Variants in ADGRE3 observed in about 807,000 individuals in gnomAD.
The protein encoded by ADGRE3 is adhesion G protein-coupled receptor E3.
ADGRE3 carries 88 observed loss-of-function variants against 80.1 expected under a neutral mutation model. The observed-to-expected ratio is 1.10, with a 90% CI of 0.93 to 1.31. The LOEUF (loss-of-function observed/expected upper bound fraction) is 1.31, where lower values mean the gene tolerates loss of function less well. ADGRE3 is among the 40% of genes most tolerant of loss of function. The probability of loss-of-function intolerance (pLI) is 0.00; values close to 1 mark genes in which losing one functional copy is unlikely to be tolerated. For missense variants in ADGRE3, 715 were observed against 776.5 expected (o/e 0.92, Z 0.94); for synonymous variants, 281 against 294.8 (o/e 0.95, Z 0.48).
At position 14,630,221 on chromosome 19, in the gene ADGRE3, G is replaced by A. The variant is rs758525100; in HGVS notation, c.1644-14C>T. On this transcript the variant is annotated splice_polypyrimidine_tract_variant and intron_variant, in intron 13 of 15. Coordinates refer to ENST00000253673, the MANE Select transcript of ADGRE3 (RefSeq NM_032571.5). ...AAAGCCAGCATCCTGGGAGGAGGAA[G>A]TCAGAGATTAGGATGTCAAAAAACT... is the stretch of plus-strand genomic sequence containing the variant. 1.9e-6 allele frequency: 3 copies of A among 1,592,050 alleles called. No individual in the cohort carries two copies. Among genetic ancestry groups the A allele is most frequent in the Non-Finnish European group, 2.6e-6 (3 of 1,167,884 alleles).
At chr19:14,648,629 A>G (rs145643180) in intron 7 of ADGRE3, among the ~76,000 whole-genome samples, 1 of 152,302 alleles carries the variant, frequency 6.6e-6, no homozygotes, top group Non-Finnish European at 1.5e-5. Flanking sequence ...GTTGCCATGA[A>G]GGTGTTTTAA....
the ADGRE3 span, among the ~76,000 whole-genome samples, chr19:14,612,890 A>T: frequency 6.6e-6 from 1 of 151,786 alleles, no homozygotes; most frequent in Non-Finnish European, 1.5e-5. Context: ...CCTGAATTGC[A>T]TCCAAGGGTG....
intron 2 of ADGRE3, among the ~76,000 whole-genome samples, chr19:14,667,932 T>G (rs531347586): frequency 6.6e-6 from 1 of 152,160 alleles, no homozygotes; most frequent in South Asian, 2.1e-4. Context: ...GTTTTCATCT[T>G]GTAAAACTGA....
intron 14 of ADGRE3, chr19:14,628,787 GT>G: frequency 3.8e-6 from 1 of 260,596 alleles, no homozygotes; most frequent in South Asian, 4.3e-5. Context: ...ATGTGACCTA[GT>G]TTGGGACAGT....
At chr19:14,665,055 ATTTTTTTTTTTTT>A (rs916325882) in intron 2 of ADGRE3, among the ~76,000 whole-genome samples, 1 of 89,808 alleles carries the variant, frequency 1.1e-5, no homozygotes, top group Non-Finnish European at 2.2e-5. Context: ...GAGCAACCTC[ATTTTTTTTTTTTT>A]TTTTTTTTTT....
chr19:14,633,731 AAT>A (rs1342653382), intron 11 of ADGRE3, among the ~76,000 whole-genome samples: 10 of 150,006 alleles, frequency 6.7e-5, no homozygotes, highest in African/African-American at 2.4e-4. Flanking sequence ...AATAAAATAA[AAT>A]AAAATAAAAT....
chr19:14,610,537 T>A, the ADGRE3 span: 1 of 228,218 alleles, frequency 4.4e-6, no homozygotes, highest in Admixed American at 5.2e-5. Flanking sequence ...GTGTTGAACC[T>A]GGGATGAAAT....
intron 9 of ADGRE3, among the ~76,000 whole-genome samples, chr19:14,643,144 G>GTTTTTT (rs373306807): frequency 3.2e-5 from 4 of 124,082 alleles, no homozygotes; most frequent in African/African-American, 1.2e-4. Context: ...AGTAATCATG[G>GTTTTTT]TTTTTTTTTT....
intron 2 of ADGRE3, among the ~76,000 whole-genome samples, chr19:14,665,972 A>ATATATATATATATG (rs1568500887): frequency 7.5e-6 from 1 of 132,888 alleles, no homozygotes; most frequent in Non-Finnish European, 1.6e-5. Context: ...ATATATATAT[A>ATATATATATATATG]TATATAGTGT....
chr19:14,624,841 T>A (rs1171009406), intron 15 of ADGRE3, among the ~76,000 whole-genome samples: 1 of 151,560 alleles, frequency 6.6e-6, no homozygotes, highest in Admixed American at 6.6e-5. Flanking sequence ...AAACACCGCA[T>A]GTTCTCACTT....
chr19:14,619,041 C>T (rs898785641), downstream of ADGRE3: 1 of 230,844 alleles, frequency 4.3e-6, no homozygotes, highest in Admixed American at 6.2e-5. Context: ...TTTGAGGCTG[C>T]AGTGAGCTAC....
In ADGRE3 at chr19:14,619,472, C is replaced by T; in HGVS notation, c.1921-1G>A. On this transcript the variant is annotated splice_acceptor_variant, in intron 15 of 15. Transcript: ENST00000253673. LOFTEE classifies it high-confidence loss of function. ...TCACTTGTCCTGGAAAAACATCCCCCTATAAAAGAGGTTTAGATTAAAGGT... is the reference window on the plus strand; with the variant it reads ...TCACTTGTCCTGGAAAAACATCCCCTTATAAAAGAGGTTTAGATTAAAGGT... 1 of 1,593,372 alleles carries T rather than the reference C, an allele frequency of 6.3e-7. No homozygotes were observed. The highest frequency in any genetic ancestry group is 8.6e-7 in the Non-Finnish European group (1 of 1,161,930).
chr19:14,658,882 G>A (rs763070713), intron 4 of ADGRE3, among the ~76,000 whole-genome samples: 5 of 151,608 alleles, frequency 3.3e-5, no homozygotes, highest in Non-Finnish European at 7.4e-5. Flanking sequence ...TTACAGGCAC[G>A]CACCTCCAGG....
intron 2 of ADGRE3, 88 bp from the exon 3 acceptor site, chr19:14,663,628 C>G (rs1030048123): frequency 6.8e-7 from 1 of 1,461,428 alleles, no homozygotes; most frequent in African/African-American, 1.4e-5. Flanking sequence ...CACCTGAGGT[C>G]AGGAGTTCAA....
chr19:14,605,339 A>G, the ADGRE3 span, among the ~76,000 whole-genome samples: 1 of 150,094 alleles, frequency 6.7e-6, no homozygotes, highest in Non-Finnish European at 1.5e-5. Flanking sequence ...CAGGTGATCC[A>G]CCTGTGTTGG....
chr19:14,670,457 C>A (rs191102156), intron 1 of ADGRE3, among the ~76,000 whole-genome samples: 3 of 152,318 alleles, frequency 2.0e-5, no homozygotes, highest in Admixed American at 6.5e-5. Context: ...GAATCAAATT[C>A]TTCCTCCTTA....
intron 5 of ADGRE3, among the ~76,000 whole-genome samples, chr19:14,655,622 AT>A (rs1476313400): frequency 2.4e-4 from 36 of 151,302 alleles, no homozygotes; most frequent in Admixed American, 2.4e-3. Flanking sequence ...TGCTTGCTTA[AT>A]TTTTTTAATT....
chr19:14,660,011 G>C (rs775789941), intron 4 of ADGRE3, among the ~76,000 whole-genome samples: 1 of 151,914 alleles, frequency 6.6e-6, no homozygotes, highest in South Asian at 2.1e-4. Context: ...CAAGAACTTT[G>C]ACTTACAACC....
chr19:14,615,202 CT>C (rs34167082), downstream of ADGRE3, among the ~76,000 whole-genome samples: 1,465 of 65,524 alleles, frequency 0.022, 5 homozygotes, highest in African/African-American at 0.078. Flanking sequence ...CAGCTGCCTT[CT>C]TTTTTTTTTT....
Sources: gnomAD v4.1 joint callset for allele counts (sites outside exome capture counted in the v4.1 genomes callset) on GRCh38, gnomAD v4.1.1 for gene constraint, MANE v1.5 for transcripts, NCBI Gene and HGNC (gene_info 2026-07-23, HGNC 2026-07-21) for gene names.